DHRS4: variants seen among roughly 807,000 people sequenced by gnomAD.
DHRS4 encodes dehydrogenase/reductase SDR family member 4.
In DHRS4, 20 loss-of-function variants were observed where a neutral mutation model predicts 28.4. The ratio of observed to expected loss-of-function variants is 0.71; its 90% CI spans 0.50 to 1.02. DHRS4 has a LOEUF of 1.02. Ranked by LOEUF, DHRS4 falls within the 50% of genes least tolerant of loss-of-function variation. The pLI is 0.00. For missense variants in DHRS4, 378 were observed against 367.2 expected, an observed-to-expected ratio of 1.03 and a Z score of -0.24; for synonymous variants, 144 against 146.4, an observed-to-expected ratio of 0.98 and a Z score of 0.12.
Position 23,959,901 on chromosome 14 carries a change from G to A in DHRS4, c.307-1G>A. On this transcript the variant is annotated splice_acceptor_variant, in intron 2 of 7. Coordinates refer to ENST00000313250, the MANE Select transcript of DHRS4 (RefSeq NM_021004.4). LOFTEE classifies it high-confidence loss of function. Reference sequence around the variant, plus strand: ...GGTCCAGAACTTACCCCTCTCTCTAGGCTGTGAAGCTTCATGGAGGTATCG... The same window carrying A: ...GGTCCAGAACTTACCCCTCTCTCTAAGCTGTGAAGCTTCATGGAGGTATCG... 1 of 1,613,308 alleles carries A rather than the reference G, an allele frequency of 6.2e-7. No homozygotes were observed. Among genetic ancestry groups the A allele is most frequent in the Non-Finnish European group, 8.5e-7 (1 of 1,179,872 alleles).
chr14:23,954,016 C>G (rs539739911), intron 1 of DHRS4, 100 bp downstream of exon 1: 17 of 1,497,476 alleles, frequency 1.1e-5, no homozygotes, highest in Non-Finnish European at 1.5e-5. Context: ...AGACCTTACA[C>G]GCTGCCAAAG....
intron 3 of DHRS4, among the ~76,000 whole-genome samples, chr14:23,962,859 T>C (rs553721001): frequency 6.0e-5 from 9 of 149,212 alleles, no homozygotes; most frequent in African/African-American, 2.1e-4. Context: ...ATTTCTTAAA[T>C]AATAAGTCTT....
chr14:23,954,125 C>G, intron 1 of DHRS4: 4 of 729,426 alleles, frequency 5.5e-6, no homozygotes, highest in Admixed American at 3.0e-5. Flanking sequence ...TCCCTGCTAC[C>G]TCTGGCACAA....
chr14:23,963,090 G>T (rs1355825846), intron 3 of DHRS4, among the ~76,000 whole-genome samples: 2 of 116,832 alleles, frequency 1.7e-5, no homozygotes, highest in Non-Finnish European at 3.3e-5. Context: ...CAGATGTGCT[G>T]TTATTCAGGC....
chr14:23,957,917 G>C (rs2033240825), intron 2 of DHRS4, among the ~76,000 whole-genome samples: 1 of 150,354 alleles, frequency 6.7e-6, no homozygotes, highest in Admixed American at 6.7e-5. Flanking sequence ...TCTCTGTGCT[G>C]ACAGACCTGG....
At chr14:23,954,922 T>C (rs1262659627) in intron 1 of DHRS4, 113 bp from the exon 2 acceptor site, 2 of 1,537,672 alleles carry the variant, frequency 1.3e-6, no homozygotes, top group Non-Finnish European at 8.8e-7. Flanking sequence ...ACGTAGGGGT[T>C]ATATAGAGAA....
At chr14:23,959,297 G>C (rs548190294) in intron 2 of DHRS4, among the ~76,000 whole-genome samples, 4 of 152,264 alleles carry the variant, frequency 2.6e-5, no homozygotes, top group South Asian at 2.1e-4. Flanking sequence ...TTCCTGGTGG[G>C]TCGCGCCTGT....
rs1209175960 is a variant in DHRS4 at position 23,968,981 on chromosome 14, A to C, written c.*110A>C. 29 of 1,369,342 alleles carry C rather than the reference A, an allele frequency of 2.1e-5. 1 individual carries two copies. The highest frequency in any genetic ancestry group is 2.7e-5 in the Non-Finnish European group (28 of 1,019,560). The allele number at this position is 1,369,342 out of a possible 1,614,324, so 84.8% of individuals were successfully genotyped here. On this transcript the variant is annotated 3_prime_UTR_variant, in exon 8 of 8. Transcript: ENST00000313250. ...TGCTCACCTTACTGTTCACCTCATC[A>C]AATCAGTTCTGCCCTGTGAAAAGAT... is the stretch of plus-strand genomic sequence containing the variant.
intron 7 of DHRS4, 94 bp from the exon 8 acceptor site, chr14:23,968,663 T>C: frequency 6.4e-7 from 1 of 1,551,270 alleles, no homozygotes; most frequent in Middle Eastern, 1.7e-4. Flanking sequence ...CATCTGATAA[T>C]TCTTGATTAA....
At chr14:23,963,116 G>A (rs28871625) in intron 3 of DHRS4, among the ~76,000 whole-genome samples, 33,230 of 79,508 alleles carry the variant, frequency 0.42, 9,908 homozygotes, top group East Asian at 0.8. Context: ...TGTTCCATTT[G>A]CAGAGCACAG....
chr14:23,953,929 GC>G lies in DHRS4; in HGVS notation c.128+15del. On this transcript the variant is annotated intron_variant, in intron 1 of 7. Transcript: ENST00000313250. Reference sequence around the variant, plus strand: ...CCTCCACCGACGGGTGAGTGCTCCGGCCGGAGTTTCTGAGGCCCTGGCTGCC... The same window carrying G: ...CCTCCACCGACGGGTGAGTGCTCCGGCGGAGTTTCTGAGGCCCTGGCTGCC... The G allele has an allele frequency of 6.4e-7, 1 of 1,571,566 alleles. No homozygotes were observed. The highest frequency in any genetic ancestry group is 8.6e-7 in the Non-Finnish European group (1 of 1,159,208).
At chr14:23,954,983 G>C in intron 1 of DHRS4, 52 bp from the exon 2 acceptor site, 1 of 1,607,100 alleles carries the variant, frequency 6.2e-7, no homozygotes, top group East Asian at 2.2e-5. Context: ...TCATACTGTC[G>C]ACCTCTTCCC....
chr14:23,966,170 C>A, intron 5 of DHRS4, 113 bp from the exon 6 acceptor site: 4 of 1,575,096 alleles, frequency 2.5e-6, no homozygotes, highest in Non-Finnish European at 2.6e-6. Flanking sequence ...AGTTCCCTAA[C>A]TCTGCCCCTC....
At chr14:23,956,342 C>T (rs185663861) in intron 2 of DHRS4, among the ~76,000 whole-genome samples, 5 of 152,202 alleles carry the variant, frequency 3.3e-5, no homozygotes, top group Admixed American at 6.5e-5. Context: ...CATCCTGTGG[C>T]CCCCACCAGG....
chr14:23,959,421 G>A (rs1240301558), intron 2 of DHRS4, among the ~76,000 whole-genome samples: 1 of 152,100 alleles, frequency 6.6e-6, no homozygotes, highest in Non-Finnish European at 1.5e-5. Flanking sequence ...GCCCGGGTGT[G>A]GTGGCACGCA....
At chr14:23,956,597 TC>T (rs201968071) in intron 2 of DHRS4, among the ~76,000 whole-genome samples, 6,406 of 133,788 alleles carry the variant, frequency 0.048, 738 homozygotes, top group African/African-American at 0.2. Flanking sequence ...GGCCTCCATA[TC>T]CTTTTTTTTT....
chr14:23,960,203 A>G (rs3742494), intron 3 of DHRS4, among the ~76,000 whole-genome samples, 200 bp downstream of exon 3: 35,093 of 151,540 alleles, frequency 0.23, 4,603 homozygotes, highest in East Asian at 0.6. Context: ...CGTTTCTGCT[A>G]CTCCTAGTTC....
chr14:23,960,629 TCA>T (rs1263400527), intron 3 of DHRS4, among the ~76,000 whole-genome samples: 2 of 137,180 alleles, frequency 1.5e-5, no homozygotes, highest in Non-Finnish European at 3.0e-5. Context: ...GTAATATATT[TCA>T]CACACACTCT....
rs879265219 is a variant in DHRS4 at position 23,963,556 on chromosome 14, C to A, written c.409-2206C>A. Among the ~76,000 whole-genome samples, 18 of 149,086 alleles carry A rather than the reference C, an allele frequency of 1.2e-4. 1 individual carries two copies. The South Asian group carries it at 3.8e-3, about 32-fold the overall frequency. On this transcript the variant is annotated intron_variant, in intron 3 of 7. Coordinates refer to ENST00000313250, the MANE Select transcript of DHRS4 (RefSeq NM_021004.4). ...GCCTTCAAAGAATTAAAAATTAGGG[C>A]CTTTTACTGATTAGGCTTTGGCTTA...
Sources: gnomAD v4.1 joint callset for allele counts (sites outside exome capture counted in the v4.1 genomes callset) on GRCh38, gnomAD v4.1.1 for gene constraint, MANE v1.5 for transcripts, NCBI Gene and HGNC (gene_info 2026-07-23, HGNC 2026-07-21) for gene names.